Variants in RTN4 observed in about 807,000 individuals in gnomAD.
RTN4 encodes the protein reticulon-4.
Under a neutral mutation model 90.4 loss-of-function variants are expected in RTN4, and 32 were observed. The observed-to-expected ratio is 0.35, with a 90% CI of 0.27 to 0.48. RTN4 has a LOEUF of 0.48. RTN4 is among the 20% of genes least tolerant of loss of function. RTN4 has a pLI of 0.99. For synonymous variants in RTN4, 629 were observed against 552.5 expected (o/e 1.14, Z -1.94); for missense variants, 1,706 against 1,430.2 (o/e 1.19, Z -3.11).
intron 3 of RTN4, among the ~76,000 whole-genome samples, chr2:55,019,491 G>C (rs531082035): frequency 1.3e-5 from 2 of 152,180 alleles, no homozygotes; most frequent in Non-Finnish European, 2.9e-5. Flanking sequence ...TAACCAGTGA[G>C]GGACTGATGA....
intron 3 of RTN4, among the ~76,000 whole-genome samples, chr2:55,000,585 G>A (rs571216393): frequency 2.0e-5 from 3 of 152,140 alleles, no homozygotes; most frequent in Non-Finnish European, 4.4e-5. Flanking sequence ...ACATTACCTC[G>A]AATCCATAAC....
rs1558748430 is a variant in RTN4, at chr2:54,973,826, G to C, written c.3472C>G (p.His1158Asp). The C allele has an allele frequency of 6.2e-7, 1 of 1,613,238 alleles. No individual in the cohort carries two copies. The change falls in exon 7 of 9, where the codon CAT becomes GAT. Residue 1158 changes from histidine to aspartate, a missense_variant. Coordinates refer to ENST00000337526, the MANE Select transcript of RTN4 (RefSeq NM_020532.5). The part of the protein sequence containing the change: ...LFSVPVIYER[H>D]QAQIDHYLGL... ...GCAGTTAGTTAGGAAATTACCTGAT[G>C]CCGTTCATAAATAACAGGAACACTG...
upstream of RTN4, among the ~76,000 whole-genome samples, chr2:55,052,519 C>T (rs535039693): frequency 2.0e-5 from 3 of 152,180 alleles, no homozygotes; most frequent in East Asian, 1.9e-4. Flanking sequence ...TTGTGCAAAA[C>T]GTTTGTGACT....
At position 55,015,245 on chromosome 2, in the gene RTN4, C is replaced by T. The variant is rs189252104; in HGVS notation, c.3013+9841G>A. ...CTTTTCCACAAGATTGCTGCCTGGC[C>T]CTAGGCAGCTAGATCAGAGTATGGG... On this transcript the variant is annotated intron_variant, in intron 3 of 8. Transcript: ENST00000337526. Among the ~76,000 whole-genome samples, 169 of 152,170 alleles carry T rather than the reference C, an allele frequency of 1.1e-3. 1 individual carries two copies. Among genetic ancestry groups the T allele is most frequent in the Middle Eastern group, 0.01 (3 of 294 alleles).
intron 2 of RTN4, among the ~76,000 whole-genome samples, chr2:55,058,537 G>A (rs1043230540): frequency 1.6e-4 from 24 of 152,264 alleles, no homozygotes; most frequent in Admixed American, 2.6e-4. Context: ...TTTTGTTGAC[G>A]AAATTTTAGT....
intron 3 of RTN4, among the ~76,000 whole-genome samples, chr2:55,006,859 T>G (rs1260317308): frequency 6.6e-6 from 1 of 152,136 alleles, no homozygotes; most frequent in Non-Finnish European, 1.5e-5. Context: ...AACCTCCTCA[T>G]TTTCCCTAAA....
At chr2:54,981,956 T>C (rs1450708424) in intron 5 of RTN4, among the ~76,000 whole-genome samples, 3 of 151,820 alleles carry the variant, frequency 2.0e-5, no homozygotes, top group East Asian at 1.9e-4. Flanking sequence ...ACTATATATA[T>C]ATATAATTTT....
rs767546911 is a variant in RTN4 at position 55,111,344 on chromosome 2, C to G, written c.-214+1176G>C. ...CAGAGGCACCCTCAAATCTTAGGCCCAAATAGATGGTGGTATCAACAGAAA... is the reference window on the plus strand; with the variant it reads ...CAGAGGCACCCTCAAATCTTAGGCCGAAATAGATGGTGGTATCAACAGAAA... On this transcript the variant is annotated intron_variant, in intron 1 of 3. Transcript: ENST00000427710. Among the ~76,000 whole-genome samples the G allele has an allele frequency of 3.9e-5, 6 of 152,200 alleles. No homozygotes were observed. The East Asian group carries it at 9.7e-4, about 25-fold the overall frequency.
intron 1 of RTN4, among the ~76,000 whole-genome samples, chr2:55,082,325 A>G (rs751837349): frequency 2.0e-5 from 3 of 152,322 alleles, no homozygotes; most frequent in African/African-American, 7.2e-5. Context: ...CTCAGAGATT[A>G]TATCACAACA....
At chr2:55,126,725 T>G in the RTN4 span, among the ~76,000 whole-genome samples, 8 of 152,206 alleles carry the variant, frequency 5.3e-5, no homozygotes, top group East Asian at 1.5e-3. Flanking sequence ...AACATGCATG[T>G]GAATGTTCAC....
chr2:54,981,282 T>G (rs560077748), intron 5 of RTN4, among the ~76,000 whole-genome samples: 174 of 141,824 alleles, frequency 1.2e-3, no homozygotes, highest in Non-Finnish European at 1.8e-3. Context: ...AAAATGTTTT[T>G]GTTTTTTTTT....
At chr2:54,987,826 T>C in intron 3 of RTN4, 128 bp from the exon 4 acceptor site, 1 of 718,326 alleles carries the variant, frequency 1.4e-6, no homozygotes, top group Admixed American at 2.7e-5. Flanking sequence ...AAACACTAAG[T>C]TAAAGAAACA....
At chr2:55,032,902 C>T (rs1437328233) in intron 1 of RTN4, among the ~76,000 whole-genome samples, 1 of 151,902 alleles carries the variant, frequency 6.6e-6, no homozygotes, top group Non-Finnish European at 1.5e-5. Context: ...GTGGTGCACA[C>T]GTGCAGTTCT....
intron 1 of RTN4, among the ~76,000 whole-genome samples, chr2:55,097,736 T>C (rs958070853): frequency 1.3e-5 from 2 of 152,066 alleles, no homozygotes; most frequent in African/African-American, 4.8e-5. Flanking sequence ...TTTTGGAACA[T>C]GTTGACTTTG....
chr2:55,065,537 G>A (rs1370233142), intron 2 of RTN4, among the ~76,000 whole-genome samples: 1 of 151,936 alleles, frequency 6.6e-6, no homozygotes, highest in Admixed American at 6.6e-5. Context: ...TTTTCATCAA[G>A]AGTAGAATGG....
chr2:55,058,759 A>G (rs1434882985), intron 2 of RTN4, among the ~76,000 whole-genome samples: 2 of 152,242 alleles, frequency 1.3e-5, no homozygotes, highest in Non-Finnish European at 2.9e-5. Context: ...AATCATCTCT[A>G]CAGTCAAGAT....
intron 5 of RTN4, among the ~76,000 whole-genome samples, chr2:54,977,710 CT>C (rs1677752826): frequency 6.6e-6 from 1 of 152,068 alleles, no homozygotes; most frequent in African/African-American, 2.4e-5. Flanking sequence ...AATGCCACAA[CT>C]TTTTAAAACA....
At chr2:54,986,265 C>A (rs1188576632) in intron 4 of RTN4, among the ~76,000 whole-genome samples, 2 of 152,200 alleles carry the variant, frequency 1.3e-5, no homozygotes, top group South Asian at 2.1e-4. Flanking sequence ...TCTGTAAGAA[C>A]TGAAGTAATC....
chr2:55,108,779 G>T (rs1222772879), intron 1 of RTN4, among the ~76,000 whole-genome samples: 1 of 151,906 alleles, frequency 6.6e-6, no homozygotes, highest in South Asian at 2.1e-4. Flanking sequence ...GGCAAAAACC[G>T]CAATTACTTT....
Sources: allele counts gnomAD v4.1 joint callset (sites outside exome capture counted in the v4.1 genomes callset), GRCh38; gene constraint gnomAD v4.1.1; transcripts MANE v1.5; gene names NCBI Gene and HGNC (gene_info 2026-07-23, HGNC 2026-07-21).